The following FAM240C variants were observed in gnomAD, a reference collection of about 807,000 sequenced individuals.
The protein encoded by FAM240C is family with sequence similarity 240 member C.
FAM240C carries 14 observed loss-of-function variants against 10.0 expected under a neutral mutation model. That is an observed-to-expected ratio of 1.40 (90% CI 0.92 to 2.19). The LOEUF is 2.19. Among genes scored for constraint, FAM240C ranks in the 30% most tolerant of loss-of-function variants. FAM240C has a pLI of 0.00. For missense variants in FAM240C, 154 were observed against 122.3 expected (o/e 1.26, Z -1.22); for synonymous variants, 49 against 44.3 (o/e 1.11, Z -0.42).
upstream of FAM240C, among the ~76,000 whole-genome samples, chr2:241,900,931 G>A (rs552910329): frequency 2.6e-5 from 4 of 152,070 alleles, no homozygotes; most frequent in South Asian, 2.1e-4. This position sits in a 1 kb window ranked among gnomAD's most constrained non-coding sequence, Gnocchi z 4.5. Flanking sequence ...GAGAGGTCTC[G>A]GGATCTGCCA....
In FAM240C at chr2:241,900,305, C is replaced by T; in HGVS notation, c.12+53G>A. The T allele has an allele frequency of 1.4e-6, 1 of 716,036 alleles. No homozygotes were observed. Among genetic ancestry groups the T allele is most frequent in the Non-Finnish European group, 2.6e-6 (1 of 384,084 alleles). 44.4% of individuals were successfully genotyped at this position (716,036 alleles called of 1,614,324 possible). On this transcript the variant is annotated intron_variant, in intron 1 of 2. Coordinates refer to ENST00000404031, the MANE Select transcript of FAM240C (RefSeq NM_001382368.1). The surrounding 1 kb of genome is among the most constrained non-coding windows in gnomAD (Gnocchi z 4.5). ...TTCACCTTTTGGGGGCCCCCAAATG[C>T]AGCGCCAATCTCTCAAGCAAGGACA...
Position 241,897,299 on chromosome 2 carries a change from TC to T in FAM240C, c.47del (p.Gly16GlufsTer3), listed in dbSNP as rs1481273000. ...MSKSLTLKNP[G>X]RVAYDSGGIK... ...TCCCGCCTGAATCGTATGCTACTCT[TC>T]CAGGATTCTTAAGAGTGAGGCTTTT... On this transcript the variant is annotated frameshift_variant, in exon 2 of 3. Transcript: ENST00000404031. LOFTEE classifies it high-confidence loss of function. The T allele has an allele frequency of 3.9e-6, 6 of 1,549,790 alleles. No homozygotes were observed. In the Admixed American group the frequency reaches 1.2e-4, roughly 30 times the overall value.
At chr2:241,901,623 G>A (rs145228326), upstream of FAM240C, among the ~76,000 whole-genome samples, 4,601 of 152,300 alleles carry the variant, frequency 0.03, 90 homozygotes, top group Non-Finnish European at 0.047. This position sits in a 1 kb window ranked among gnomAD's most constrained non-coding sequence, Gnocchi z 4.9. Flanking sequence ...GCCGGGACAT[G>A]CCGCAGCGCA....
At chr2:241,897,798 G>A (rs1383977150) in intron 1 of FAM240C, among the ~76,000 whole-genome samples, 2 of 152,132 alleles carry the variant, frequency 1.3e-5, no homozygotes, top group African/African-American at 2.4e-5. Flanking sequence ...GCAGTGGTGC[G>A]ATCTCCCCTC....
At chr2:241,896,316 G>T (rs901523410) in intron 2 of FAM240C, among the ~76,000 whole-genome samples, 6 of 152,206 alleles carry the variant, frequency 3.9e-5, no homozygotes, top group African/African-American at 1.4e-4. Context: ...AGAGAAAGGC[G>T]TGCTGGCTTG....
upstream of FAM240C, among the ~76,000 whole-genome samples, chr2:241,901,307 G>A (rs1477542298): frequency 6.6e-6 from 1 of 152,192 alleles, no homozygotes; most frequent in Non-Finnish European, 1.5e-5. The surrounding 1 kb of genome is among the most constrained non-coding windows in gnomAD (Gnocchi z 4.9). Context: ...GGAGCCGGCA[G>A]CAGGGCCGGC....
intron 1 of FAM240C, 137 bp from the exon 2 acceptor site, chr2:241,897,471 G>T (rs992546933): frequency 4.8e-6 from 5 of 1,033,852 alleles, no homozygotes; most frequent in African/African-American, 4.8e-5. Flanking sequence ...GTTCGTGGGG[G>T]ATGGCGGAGG....
In FAM240C at chr2:241,900,441, G is replaced by A; in HGVS notation, c.-72C>T. 1 of 711,274 alleles carries A rather than the reference G, an allele frequency of 1.4e-6. No individual in the cohort carries two copies. The allele number at this position is 711,274 out of a possible 1,614,324, so 44.1% of individuals were successfully genotyped here. A position where few individuals can be genotyped will look rare whatever the true frequency, so the allele number is the denominator to read the frequency against. ...CCTGTCCTCTCCGGGGTGCACGCCT[G>A]TATCTCGCCTGCCGCTCTCTGTTAC... On this transcript the variant is annotated 5_prime_UTR_variant, in exon 1 of 3. Transcript: ENST00000404031. The surrounding 1 kb of genome is among the most constrained non-coding windows in gnomAD (Gnocchi z 4.5).
At chr2:241,894,793 C>A (rs1019313307) in intron 2 of FAM240C, among the ~76,000 whole-genome samples, 1 of 152,210 alleles carries the variant, frequency 6.6e-6, no homozygotes, top group African/African-American at 2.4e-5. Flanking sequence ...GGCCCGCCTG[C>A]CTCCCTGCAC....
At chr2:241,897,451 C>A in intron 1 of FAM240C, 117 bp from the exon 2 acceptor site, 1 of 1,290,938 alleles carries the variant, frequency 7.7e-7, no homozygotes, top group Non-Finnish European at 1.1e-6. Flanking sequence ...TCGTGGTCCC[C>A]GCCTTCCTGG....
chr2:241,894,540 C>T (rs1025176415), intron 2 of FAM240C, among the ~76,000 whole-genome samples: 5 of 120,040 alleles, frequency 4.2e-5, no homozygotes, highest in Non-Finnish European at 4.9e-5. Context: ...ATCTCGTGGC[C>T]GGCCTTGGCT....
At position 241,897,221 on chromosome 2, in the gene FAM240C, G is replaced by A. The variant is rs78233573; in HGVS notation, c.126C>T (p.Asn42=). The A allele has an allele frequency of 0.024, 36,908 of 1,549,954 alleles. 516 individuals are homozygous for A. The highest frequency in any genetic ancestry group is 0.028 in the Non-Finnish European group (31,973 of 1,146,522). ...CGCTTCTGCGAACCCTGATGTCCTC[G>A]TTCTGCAGGTGTCTTGCGTGATGCT... ...KIEHHARHLQ[N]EDIRVRRSAL... Residue 42 remains asparagine (N), a synonymous_variant, in exon 2 of 3, where the codon AAC becomes AAT. Coordinates refer to ENST00000404031, the MANE Select transcript of FAM240C (RefSeq NM_001382368.1).
intron 1 of FAM240C, chr2:241,898,974 G>T: frequency 1.7e-6 from 1 of 573,014 alleles, no homozygotes; most frequent in Non-Finnish European, 3.0e-6. Context: ...GCTTGGCCTT[G>T]CTTGGCCTTG....
chr2:241,902,072 AT>A (rs1462984930), upstream of FAM240C, among the ~76,000 whole-genome samples: 1 of 152,188 alleles, frequency 6.6e-6, no homozygotes, highest in Non-Finnish European at 1.5e-5. This position sits in a 1 kb window ranked among gnomAD's most constrained non-coding sequence, Gnocchi z 7.1. Context: ...AGTGTGCACT[AT>A]CTGCAGTCAG....
Position 241,899,136 on chromosome 2 carries a change from AG to A in FAM240C, c.12+1221del, listed in dbSNP as rs1487038362. ...TCACCTGCTTCAGGTGGAGAGGGTAAGGGTGCCTTCTGGAGCTCGGCTCAGG... is the reference window on the plus strand; with the variant it reads ...TCACCTGCTTCAGGTGGAGAGGGTAAGGTGCCTTCTGGAGCTCGGCTCAGG... On this transcript the variant is annotated intron_variant, in intron 1 of 2. Transcript: ENST00000404031. 3.8e-6 allele frequency: 5 copies of A among 1,304,070 alleles called. No individual in the cohort carries two copies. The African/African-American group carries it at 6.1e-5, about 16-fold the overall frequency. 80.8% of individuals were successfully genotyped at this position (1,304,070 alleles called of 1,614,324 possible). A position where few individuals can be genotyped will look rare whatever the true frequency, so the allele number is the denominator to read the frequency against.
chr2:241,895,207 C>G (rs1186612748), intron 2 of FAM240C, among the ~76,000 whole-genome samples: 1 of 152,254 alleles, frequency 6.6e-6, no homozygotes, highest in African/African-American at 2.4e-5. Context: ...TATGTTCACC[C>G]TTGCCAGGCC....
rs1701726256 is a variant in FAM240C at position 241,894,024 on chromosome 2, C to T, written c.*189G>A. On this transcript the variant is annotated 3_prime_UTR_variant, in exon 3 of 3. Coordinates refer to ENST00000404031, the MANE Select transcript of FAM240C (RefSeq NM_001382368.1). ...TAGGTTTTATTGGGCACCAGAGATG[C>T]GCTAGAGAACCCTGGGACTCTGCTG... is the stretch of plus-strand genomic sequence containing the variant. 9 of 520,356 alleles carry T rather than the reference C, an allele frequency of 1.7e-5. No individual in the cohort carries two copies. Among genetic ancestry groups the T allele is most frequent in the South Asian group, 4.6e-5 (1 of 21,640 alleles). 32.2% of individuals were successfully genotyped at this position (520,356 alleles called of 1,614,324 possible).
At chr2:241,902,362 CT>C (rs1702005045), upstream of FAM240C, 1 of 145,332 alleles carries the variant, frequency 6.9e-6, no homozygotes, top group Non-Finnish European at 1.5e-5. The surrounding 1 kb of genome is among the most constrained non-coding windows in gnomAD (Gnocchi z 7.1). Flanking sequence ...GCCGCCTCCC[CT>C]CCGCCGCCGC....
chr2:241,896,198 G>A (rs938651236), intron 2 of FAM240C, among the ~76,000 whole-genome samples: 1 of 152,190 alleles, frequency 6.6e-6, no homozygotes, highest in Non-Finnish European at 1.5e-5. Context: ...GTGTCTTGCA[G>A]CAAATGAGCT....
Sources: gnomAD v4.1 joint callset for allele counts (sites outside exome capture counted in the v4.1 genomes callset) on GRCh38, gnomAD v4.1.1 for gene constraint, Gnocchi (gnomAD v3.1) non-coding constraint, MANE v1.5 for transcripts, NCBI Gene and HGNC (gene_info 2026-07-23, HGNC 2026-07-21) for gene names.